IL9R: variants seen among roughly 807,000 people sequenced by gnomAD.
IL9R encodes the protein interleukin 9 receptor, also known as interleukin-9 receptor.
IL9R carries 54 observed loss-of-function variants against 56.3 expected under a neutral mutation model. The observed-to-expected ratio is 0.96, with a 90% CI of 0.77 to 1.20. The LOEUF is 1.20. Ranked by LOEUF, IL9R falls within the 50% of genes most tolerant of loss-of-function variation. The probability of loss-of-function intolerance (pLI) is 0.00; values close to 1 mark genes in which losing one functional copy is unlikely to be tolerated. For missense variants in IL9R, 545 were observed against 629.8 expected (o/e 0.87, Z 1.44); for synonymous variants, 212 against 250.2 (o/e 0.85, Z 1.44).
intron 1 of IL9R, 66 bp from the exon 2 acceptor site, chrX:156,002,840 A>G: frequency 6.2e-7 from 1 of 1,610,816 alleles, no homozygotes; most frequent in Non-Finnish European, 8.5e-7. Context: ...CTGGGGAGCA[A>G]TTCATGGGGA....
Position 156,003,744 on chromosome X carries a change from C to T in IL9R, c.322C>T (p.Pro108Ser). The T allele has an allele frequency of 4.3e-6, 7 of 1,613,988 alleles. No homozygotes were observed. Among genetic ancestry groups the T allele is most frequent in the Non-Finnish European group, 5.9e-6 (7 of 1,179,862 alleles). The part of the protein sequence containing the change: ...RGSECTVVLP[P>S]EAVLVPSDNF... ...CAGTGAGTGCACCGTCGTGCTGCCA[C>T]CTGAGGCAGTGCTCGTGCCATCTGA... The change falls in exon 4 of 9, where the codon CCT (proline) becomes TCT (serine). Residue 108 changes from proline (P) to serine (S), a missense_variant. Around this residue, in one of 2 missense-constraint regions of IL9R, gnomAD observed 431 missense variants for 360.0 expected, o/e 1.20. Coordinates refer to ENST00000244174, the MANE Select transcript of IL9R (RefSeq NM_002186.3).
At chrX:156,005,596 A>T in intron 6 of IL9R, 117 bp downstream of exon 6, 1 of 841,442 alleles carries the variant, frequency 1.2e-6, no homozygotes. Flanking sequence ...CGAGGCAGCC[A>T]TGCCTCAGTT....
rs773820783 is a variant in IL9R, at chrX:156,005,444, G to A, written c.746G>A (p.Ser249Asn). 1.1e-5 allele frequency: 18 copies of A among 1,613,006 alleles called. No individual in the cohort carries two copies. The highest frequency in any genetic ancestry group is 1.5e-5 in the Non-Finnish European group (18 of 1,179,840). Residue 249 changes from serine to asparagine, a missense_variant, in exon 6 of 9, where the codon AGC becomes AAC. By Grantham distance (46) the Ser-to-Asn change is conservative (BLOSUM62 1). Coordinates refer to ENST00000244174, the MANE Select transcript of IL9R (RefSeq NM_002186.3). ...ERYTGQWSEW[S>N]QPVCFQAPQR... is the part of the protein sequence containing the mutation. ...TATACAGGCCAGTGGAGTGAGTGGA[G>A]CCAGCCTGTGTGCTTCCAGGCTCCC... is the stretch of plus-strand genomic sequence containing the variant.
At chrX:156,008,923 G>C (rs1408248787) in intron 8 of IL9R, among the ~76,000 whole-genome samples, 1 of 138,588 alleles carries the variant, frequency 7.2e-6, no homozygotes, top group Non-Finnish European at 1.5e-5. Context: ...GTGTGTGTCT[G>C]TGTGTGTGTT....
At position 156,007,585 on chromosome X, in the gene IL9R, G is replaced by T; in HGVS notation, c.950G>T (p.Ser317Ile). 7.1e-7 allele frequency: 1 copy of T among 1,406,000 alleles called. No individual in the cohort carries two copies. The highest frequency in any genetic ancestry group is 9.5e-7 in the Non-Finnish European group (1 of 1,052,602). The allele number at this position is 1,406,000 out of a possible 1,614,324, so 87.1% of individuals were successfully genotyped here. A position where few individuals can be genotyped will look rare whatever the true frequency, so the allele number is the denominator to read the frequency against. ...GCGATGTTCTTCCAGCCCCTCTACAGTGTACACAATGGGAACTTCCAGGTG... is the reference window on the plus strand; with the variant it reads ...GCGATGTTCTTCCAGCCCCTCTACATTGTACACAATGGGAACTTCCAGGTG... ...SPAMFFQPLY[S>I]VHNGNFQTWM... The change falls in exon 8 of 9, where the codon AGT (serine) becomes ATT (isoleucine). Residue 317 changes from serine (S) to isoleucine (I), a missense_variant. Transcript: ENST00000244174.
chrX:156,008,860 T>C (rs1371995524), intron 8 of IL9R, among the ~76,000 whole-genome samples: 4 of 151,504 alleles, frequency 2.6e-5, no homozygotes. Flanking sequence ...CAGCGATTCG[T>C]GTGTGTGTCT....
At chrX:156,008,870 T>C (rs1405185404) in intron 8 of IL9R, among the ~76,000 whole-genome samples, 2 of 99,770 alleles carry the variant, frequency 2.0e-5, no homozygotes, top group African/African-American at 6.5e-5. Flanking sequence ...TGTGTGTGTC[T>C]GTGTGTGTGT....
chrX:156,005,692 T>C (rs1307295888), intron 6 of IL9R, among the ~76,000 whole-genome samples: 1 of 152,052 alleles, frequency 6.6e-6, no homozygotes, highest in Admixed American at 6.5e-5. Flanking sequence ...CTGTAGTTAG[T>C]GGCTGCTGTT....
rs181185018 is a variant in IL9R at position 155,999,695 on chromosome X, A to T, written c.28+1908A>T. 5.7e-3 allele frequency among the ~76,000 whole-genome samples: 871 copies of T among 152,212 alleles called. 12 individuals are homozygous for T. Among genetic ancestry groups the T allele is most frequent in the African/African-American group, 0.02 (825 of 41,512 alleles). On this transcript the variant is annotated intron_variant, in intron 1 of 8. Coordinates refer to ENST00000244174, the MANE Select transcript of IL9R (RefSeq NM_002186.3). Reference sequence around the variant, plus strand: ...AGGCTCCAGCTGCTTCTGGGGTACCAAGGTCTGCATTTCTTCCTCTTCCCC... The same window carrying T: ...AGGCTCCAGCTGCTTCTGGGGTACCTAGGTCTGCATTTCTTCCTCTTCCCC...
chrX:156,007,457 G>T, intron 7 of IL9R, 66 bp from the exon 8 acceptor site: 1 of 847,332 alleles, frequency 1.2e-6, no homozygotes, highest in Non-Finnish European at 2.0e-6. Flanking sequence ...AGGAAGCTCA[G>T]CCTCTGCAGT....
At chrX:156,005,523 T>C (rs1417099387) in intron 6 of IL9R, 44 bp downstream of exon 6, 1 of 1,546,186 alleles carries the variant, frequency 6.5e-7, no homozygotes. Flanking sequence ...GAGTCTGGGC[T>C]GGGCGTCTTC....
chrX:156,003,323 C>T, intron 2 of IL9R, 126 bp from the exon 3 acceptor site: 1 of 744,294 alleles, frequency 1.3e-6, no homozygotes, highest in African/African-American at 1.7e-5. Flanking sequence ...CTTCCCTGGA[C>T]AGATTCTGGG....
intron 7 of IL9R, among the ~76,000 whole-genome samples, chrX:156,006,494 C>G (rs868443303): frequency 2.5e-4 from 38 of 150,712 alleles, no homozygotes; most frequent in Non-Finnish European, 4.4e-4. Context: ...CCAGAGTCAC[C>G]GAGATCAAGA....
At chrX:156,004,663 G>A (rs2067789049) in intron 5 of IL9R, 98 bp downstream of exon 5, 1 of 1,234,342 alleles carries the variant, frequency 8.1e-7, no homozygotes, top group South Asian at 1.3e-5. Context: ...AACTTGTAGT[G>A]ATGAGAAGGG....
intron 1 of IL9R, among the ~76,000 whole-genome samples, chrX:156,000,945 T>C (rs752317564): frequency 6.6e-6 from 1 of 152,248 alleles, no homozygotes; most frequent in African/African-American, 2.4e-5. Flanking sequence ...AGTTTCTTCA[T>C]CTGTAGGAGG....
Position 156,005,416 on chromosome X carries a change from C to G in IL9R, c.718C>G (p.Arg240Gly). 1 of 1,613,128 alleles carries G rather than the reference C, an allele frequency of 6.2e-7. No individual in the cohort carries two copies. The highest frequency in any genetic ancestry group is 8.5e-7 in the Non-Finnish European group (1 of 1,179,816). Residue 240 changes from arginine (R) to glycine (G), a missense_variant, in exon 6 of 9, where the codon CGT (arginine) becomes GGT (glycine). Arg to Gly is a moderately radical substitution (Grantham distance 125). Transcript: ENST00000244174. ...GGAGGATGATGTGGTAGAGGAGGAG[C>G]GTTATACAGGCCAGTGGAGTGAGTG... is the stretch of plus-strand genomic sequence containing the variant. Reference protein sequence around the residue: ...TLEDDVVEEERYTGQWSEWSQ... With the variant: ...TLEDDVVEEEGYTGQWSEWSQ...
chrX:156,000,350 T>C (rs1293772408), intron 1 of IL9R, among the ~76,000 whole-genome samples: 1 of 152,048 alleles, frequency 6.6e-6, no homozygotes, highest in Admixed American at 6.6e-5. Context: ...AGCCCACAGC[T>C]TCACAGTGGC....
chrX:156,001,036 G>A (rs2067485816), intron 1 of IL9R, among the ~76,000 whole-genome samples: 1 of 152,094 alleles, frequency 6.6e-6, no homozygotes, highest in Non-Finnish European at 1.5e-5. Context: ...CTTCCCCTCA[G>A]ATGGCCATAC....
intron 1 of IL9R, 100 bp downstream of exon 1, chrX:155,997,887 C>G: frequency 8.5e-7 from 1 of 1,174,644 alleles, no homozygotes; most frequent in Non-Finnish European, 1.3e-6. Context: ...CAGGGAGCCA[C>G]TGTGGCATTT....
Sources: gnomAD v4.1 joint callset for allele counts (sites outside exome capture counted in the v4.1 genomes callset) on GRCh38, gnomAD v4.1.1 for gene constraint, gnomAD v4.1.1 regional missense constraint, MANE v1.5 for transcripts, NCBI Gene and HGNC (gene_info 2026-07-23, HGNC 2026-07-21) for gene names.